Variants in DNAH11 observed in about 807,000 individuals in gnomAD.
The protein encoded by DNAH11 is axonemal beta dynein heavy chain 11.
Under a neutral mutation model 526.0 loss-of-function variants are expected in DNAH11, and 442 were observed. That is an observed-to-expected ratio of 0.84 (90% CI 0.78 to 0.91). DNAH11 has a LOEUF of 0.91. Among genes scored for constraint, DNAH11 ranks in the 40% least tolerant of loss-of-function variants. The probability of loss-of-function intolerance (pLI) is 0.00; values close to 1 mark genes in which losing one functional copy is unlikely to be tolerated. For missense variants in DNAH11, 6,989 were observed against 5,448.7 expected (o/e 1.28, Z -8.90); for synonymous variants, 2,461 against 1,935.9 (o/e 1.27, Z -7.12).
At chr7:21,801,801 A>C (rs1390979805) in intron 62 of DNAH11, among the ~76,000 whole-genome samples, 2 of 152,222 alleles carry the variant, frequency 1.3e-5, no homozygotes, top group African/African-American at 4.8e-5. Context: ...CTTTCAAGTT[A>C]AACCTGGTTG....
At chr7:21,749,320 A>G (rs1786297182) in intron 52 of DNAH11, among the ~76,000 whole-genome samples, 1 of 152,222 alleles carries the variant, frequency 6.6e-6, no homozygotes, top group Non-Finnish European at 1.5e-5. Flanking sequence ...CCGTTTTCGA[A>G]AAAATAGGAC....
At chr7:21,772,405 A>G (rs1050662926) in intron 55 of DNAH11, among the ~76,000 whole-genome samples, 26 of 121,048 alleles carry the variant, frequency 2.1e-4, no homozygotes, top group African/African-American at 7.2e-4. Context: ...CTGAGGAATT[A>G]TTTATCTATA....
At chr7:21,581,479 A>G (rs531713440) in intron 8 of DNAH11, among the ~76,000 whole-genome samples, 1 of 152,332 alleles carries the variant, frequency 6.6e-6, no homozygotes, top group East Asian at 1.9e-4. Context: ...AAAACAAACA[A>G]AAACCCTTCC....
chr7:21,548,136 T>C (rs1233369764), intron 2 of DNAH11, among the ~76,000 whole-genome samples: 1 of 129,840 alleles, frequency 7.7e-6, no homozygotes, highest in East Asian at 2.3e-4. Flanking sequence ...TGCTAGTTTG[T>C]TGGCTAGGGT....
chr7:21,608,688 G>C (rs907561033), intron 20 of DNAH11, among the ~76,000 whole-genome samples: 1 of 152,128 alleles, frequency 6.6e-6, no homozygotes, highest in Admixed American at 6.5e-5. Context: ...TGTCTAAATT[G>C]CAGGTGGTCT....
chr7:21,865,880 C>A (rs1190491530), intron 70 of DNAH11, among the ~76,000 whole-genome samples: 2 of 152,132 alleles, frequency 1.3e-5, no homozygotes, highest in Admixed American at 6.6e-5. Context: ...CATATCTCCC[C>A]TTTTTAGACT....
At chr7:21,650,286 C>T (rs1321804733) in intron 28 of DNAH11, among the ~76,000 whole-genome samples, 1 of 152,126 alleles carries the variant, frequency 6.6e-6, no homozygotes, top group South Asian at 2.1e-4. Context: ...TTGGCAAAAG[C>T]AAATCTGGAT....
intron 57 of DNAH11, among the ~76,000 whole-genome samples, chr7:21,784,093 C>G (rs1364785080): frequency 6.6e-6 from 1 of 152,308 alleles, no homozygotes; most frequent in East Asian, 1.9e-4. Context: ...CCAGGACTCT[C>G]TGAAAAAGAA....
intron 65 of DNAH11, among the ~76,000 whole-genome samples, chr7:21,835,198 A>G (rs557203239): frequency 7.6e-4 from 115 of 151,230 alleles, no homozygotes; most frequent in African/African-American, 2.6e-3. Flanking sequence ...AAGAAGAACT[A>G]ATACCAATCC....
Position 21,873,520 on chromosome 7 carries a change from C to T in DNAH11, c.12195+19C>T. The T allele has an allele frequency of 1.2e-6, 2 of 1,610,196 alleles. No homozygotes were observed. Among genetic ancestry groups the T allele is most frequent in the East Asian group, 4.5e-5 (2 of 44,854 alleles). On this transcript the variant is annotated intron_variant, in intron 74 of 81. Coordinates refer to ENST00000409508, the MANE Select transcript of DNAH11 (RefSeq NM_001277115.2). ...TGATCAGGTAAGAAAGCGAAGCAGG[C>T]TAGGCAGACAATGAAGTCAGAGTCA...
At chr7:21,681,954 C>A (rs1783159760) in intron 31 of DNAH11, among the ~76,000 whole-genome samples, 2 of 152,276 alleles carry the variant, frequency 1.3e-5, no homozygotes, top group East Asian at 3.9e-4. Context: ...CGTGAGAAAT[C>A]ACTGTGTTCA....
chr7:21,662,313 T>C (rs2128466847), intron 30 of DNAH11, among the ~76,000 whole-genome samples: 1 of 152,290 alleles, frequency 6.6e-6, no homozygotes, highest in Middle Eastern at 3.4e-3. Context: ...GTAACATGTG[T>C]GCCTACCACT....
intron 8 of DNAH11, among the ~76,000 whole-genome samples, chr7:21,572,866 A>G (rs1783946970): frequency 6.6e-6 from 1 of 152,154 alleles, no homozygotes; most frequent in Admixed American, 6.5e-5. Flanking sequence ...AGTATGAGGA[A>G]CCTAGGATCA....
chr7:21,674,787 C>A (rs183563343), intron 30 of DNAH11, among the ~76,000 whole-genome samples: 2 of 152,146 alleles, frequency 1.3e-5, no homozygotes, highest in African/African-American at 4.8e-5. Context: ...GTCTCACACG[C>A]ACACCCAATC....
intron 20 of DNAH11, among the ~76,000 whole-genome samples, chr7:21,612,726 T>G (rs1453234636): frequency 2.0e-5 from 3 of 152,050 alleles, no homozygotes; most frequent in Admixed American, 2.0e-4. Flanking sequence ...AGGCATAGTA[T>G]GAGAAAGGAA....
chr7:21,572,514 G>A (rs1037955401), intron 8 of DNAH11, among the ~76,000 whole-genome samples: 1 of 152,128 alleles, frequency 6.6e-6, no homozygotes, highest in Admixed American at 6.5e-5. Flanking sequence ...CATGTTAGTA[G>A]CCAGGGAGCT....
intron 56 of DNAH11, among the ~76,000 whole-genome samples, chr7:21,775,002 A>G (rs1398296741): frequency 6.6e-6 from 1 of 152,176 alleles, no homozygotes; most frequent in African/African-American, 2.4e-5. Flanking sequence ...TAGGCTAGAA[A>G]TGAACTGAGA....
chr7:21,675,407 A>G (rs1039239309), intron 30 of DNAH11, among the ~76,000 whole-genome samples: 12 of 152,216 alleles, frequency 7.9e-5, no homozygotes, highest in African/African-American at 2.9e-4. Context: ...TTGTCAACCT[A>G]AATCCTGCTC....
chr7:21,563,542 T>C (rs1307917832), intron 5 of DNAH11, among the ~76,000 whole-genome samples: 1 of 151,490 alleles, frequency 6.6e-6, no homozygotes, highest in Non-Finnish European at 1.5e-5. Context: ...ACATTTGTTC[T>C]ATTGAAATAA....
Sources: gnomAD v4.1 joint callset for allele counts (sites outside exome capture counted in the v4.1 genomes callset) on GRCh38, gnomAD v4.1.1 for gene constraint, MANE v1.5 for transcripts, NCBI Gene and HGNC (gene_info 2026-07-23, HGNC 2026-07-21) for gene names.